The following EBF1 variants were observed in gnomAD, a reference collection of about 807,000 sequenced individuals.
EBF1 encodes the protein EBF transcription factor 1.
EBF1 carries 10 observed loss-of-function variants against 68.4 expected under a neutral mutation model. The ratio of observed to expected loss-of-function variants is 0.15; its 90% CI spans 0.09 to 0.25. The LOEUF (loss-of-function observed/expected upper bound fraction) is 0.25. Among genes scored for constraint, EBF1 ranks in the 10% least tolerant of loss-of-function variants. The pLI, the probability that EBF1 is intolerant of heterozygous loss-of-function variation, is 1.00. For synonymous variants in EBF1, 298 were observed against 299.8 expected (o/e 0.99, Z 0.06); for missense variants, 509 against 794.4 (o/e 0.64, Z 4.32).
At chr5:158,957,687 G>A (rs1817413526) in intron 6 of EBF1, among the ~76,000 whole-genome samples, 1 of 152,238 alleles carries the variant, frequency 6.6e-6, no homozygotes, top group African/African-American at 2.4e-5. Flanking sequence ...ACCAGAGGCT[G>A]AATCAGAAAA....
At position 158,771,645 on chromosome 5, in the gene EBF1, T is replaced by C. The variant is rs1216315653; in HGVS notation, c.1036+5768A>G. Among the ~76,000 whole-genome samples, 6 of 152,228 alleles carry C rather than the reference T, an allele frequency of 3.9e-5. No homozygotes were observed. The South Asian group carries it at 1.2e-3, about 32-fold the overall frequency. ...GGACTTTTTATGATTTGTCTACCTA[T>C]GAACAGAACAAGAGAACTAAGGACA... On this transcript the variant is annotated intron_variant, in intron 10 of 15. Coordinates refer to ENST00000313708, the MANE Select transcript of EBF1 (RefSeq NM_024007.5).
At chr5:158,941,194 G>A (rs2127471359) in intron 6 of EBF1, 1 of 455,994 alleles carries the variant, frequency 2.2e-6, no homozygotes, top group Non-Finnish European at 4.4e-6. Flanking sequence ...GTGAGTGAAA[G>A]AGACACTCAT....
intron 11 of EBF1, among the ~76,000 whole-genome samples, chr5:158,726,886 T>C (rs1302645771): frequency 1.3e-5 from 2 of 152,216 alleles, no homozygotes; most frequent in Non-Finnish European, 1.5e-5. Context: ...CTCAGATCTC[T>C]GGGGACTCTA....
intron 7 of EBF1, among the ~76,000 whole-genome samples, chr5:158,833,092 G>A (rs1353896271): frequency 2.0e-5 from 3 of 151,834 alleles, no homozygotes; most frequent in Admixed American, 6.6e-5. Context: ...ACCTCAGAAC[G>A]CTTTCCTGGT....
intron 6 of EBF1, among the ~76,000 whole-genome samples, chr5:158,990,137 C>A (rs1454215645): frequency 6.6e-6 from 1 of 152,102 alleles, no homozygotes; most frequent in Non-Finnish European, 1.5e-5. Context: ...ATTGGGGCAC[C>A]AAGGGGTTCA....
intron 6 of EBF1, among the ~76,000 whole-genome samples, chr5:158,961,149 G>T (rs928109431): frequency 2.0e-5 from 3 of 152,106 alleles, no homozygotes; most frequent in Non-Finnish European, 4.4e-5. Context: ...TACCAAGTTG[G>T]TACAAGTTTC....
intron 3 of EBF1, among the ~76,000 whole-genome samples, 180 bp from the exon 4 acceptor site, chr5:159,095,855 CCA>C (rs775083604): frequency 3.9e-5 from 6 of 152,254 alleles, no homozygotes; most frequent in Non-Finnish European, 8.8e-5. Context: ...TCTCCCTTCC[CCA>C]GTGTCCAGAG....
Position 158,697,502 on chromosome 5 carries a change from T to TG in EBF1, c.*1608dup, listed in dbSNP as rs1306138798. On this transcript the variant is annotated 3_prime_UTR_variant, in exon 16 of 16. Transcript: ENST00000313708. ...AGCAAACATACACAATAAAATAAAT[T>TG]GGGGGTGGAAGGAAGAGGAAGAAGG... 9.6e-6 allele frequency: 2 copies of TG among 209,078 alleles called. No individual in the cohort carries two copies. The highest frequency in any genetic ancestry group is 4.6e-5 in the African/African-American group (2 of 43,864). 13.0% of individuals were successfully genotyped at this position (209,078 alleles called of 1,614,324 possible). A position where few individuals can be genotyped will look rare whatever the true frequency, so the allele number is the denominator to read the frequency against.
chr5:159,074,257 T>C (rs1778336027), intron 5 of EBF1, among the ~76,000 whole-genome samples: 1 of 152,226 alleles, frequency 6.6e-6, no homozygotes, highest in Non-Finnish European at 1.5e-5. Flanking sequence ...CTGCCAGTTG[T>C]GGCTGCCAGT....
At chr5:159,013,202 AAT>A (rs1765006262) in intron 6 of EBF1, among the ~76,000 whole-genome samples, 1 of 152,214 alleles carries the variant, frequency 6.6e-6, no homozygotes, top group Non-Finnish European at 1.5e-5. Flanking sequence ...ATCCATAAGT[AAT>A]ATATGAATTT....
intron 10 of EBF1, among the ~76,000 whole-genome samples, chr5:158,738,321 A>G (rs1765624627): frequency 6.6e-6 from 1 of 152,236 alleles, no homozygotes; most frequent in Admixed American, 6.5e-5. Flanking sequence ...TTCTCAGGAT[A>G]AAAGAATATG....
At chr5:159,017,643 CTTTA>C (rs1410743204) in intron 6 of EBF1, among the ~76,000 whole-genome samples, 3 of 152,128 alleles carry the variant, frequency 2.0e-5, no homozygotes, top group Non-Finnish European at 4.4e-5. Flanking sequence ...TGCATTTGTA[CTTTA>C]TTTGTTTTCC....
At chr5:158,842,654 T>C (rs1001564957) in intron 6 of EBF1, among the ~76,000 whole-genome samples, 5 of 152,248 alleles carry the variant, frequency 3.3e-5, no homozygotes, top group African/African-American at 9.6e-5. Context: ...AAAATTGCGA[T>C]AAGGCAGAGT....
At chr5:159,027,122 G>T (rs1273540397) in intron 6 of EBF1, among the ~76,000 whole-genome samples, 1 of 152,124 alleles carries the variant, frequency 6.6e-6, no homozygotes, top group African/African-American at 2.4e-5. Context: ...CAGCATTTCA[G>T]CAGGGGCAGT....
At position 159,017,313 on chromosome 5, in the gene EBF1, T is replaced by A. The variant is rs191631120; in HGVS notation, c.554+56083A>T. On this transcript the variant is annotated intron_variant, in intron 6 of 15. Transcript: ENST00000313708. ...GTGATTTAAATTTTTGAAAATTAGT[T>A]GCCATCACTTAAAATCTGATTTCAC... Among the ~76,000 whole-genome samples, 54 of 152,364 alleles carry A rather than the reference T, an allele frequency of 3.5e-4. No homozygotes were observed. In the South Asian group the frequency reaches 7.2e-3, roughly 20 times the overall value.
chr5:158,941,516 GA>G (rs749971726), intron 6 of EBF1, among the ~76,000 whole-genome samples: 15 of 152,244 alleles, frequency 9.9e-5, no homozygotes, highest in Admixed American at 2.6e-4. Flanking sequence ...GATTTCCACT[GA>G]ATTATCCAAA....
intron 10 of EBF1, among the ~76,000 whole-genome samples, chr5:158,775,940 A>G (rs1463337772): frequency 6.6e-6 from 1 of 152,154 alleles, no homozygotes; most frequent in Non-Finnish European, 1.5e-5. Context: ...TGAACCAATG[A>G]GCCTAATTAA....
At chr5:158,791,042 T>TG (rs933591663) in intron 9 of EBF1, among the ~76,000 whole-genome samples, 6 of 152,122 alleles carry the variant, frequency 3.9e-5, no homozygotes, top group Non-Finnish European at 8.8e-5. Flanking sequence ...ATCACTAGGC[T>TG]GGGTGCAGTC....
At chr5:158,979,134 G>C (rs1417085978) in intron 6 of EBF1, among the ~76,000 whole-genome samples, 1 of 152,066 alleles carries the variant, frequency 6.6e-6, no homozygotes, top group Non-Finnish European at 1.5e-5. Context: ...AAGTGAAAAA[G>C]GTTTGGAGAC....
Sources: gnomAD v4.1 joint callset for allele counts (sites outside exome capture counted in the v4.1 genomes callset) on GRCh38, gnomAD v4.1.1 for gene constraint, MANE v1.5 for transcripts, NCBI Gene and HGNC (gene_info 2026-07-23, HGNC 2026-07-21) for gene names.